OSBPL8: variants seen among roughly 807,000 people sequenced by gnomAD.
The protein encoded by OSBPL8 is oxysterol binding protein like 8, also known as oxysterol-binding protein-related protein 8.
In OSBPL8, 59 loss-of-function variants were observed where a neutral mutation model predicts 125.5. That is an observed-to-expected ratio of 0.47 (90% CI 0.38 to 0.58). The LOEUF is 0.58. Ranked by LOEUF, OSBPL8 falls within the 20% of genes least tolerant of loss-of-function variation. OSBPL8 has a pLI of 0.00. For missense variants in OSBPL8, 758 were observed against 1,047.8 expected (o/e 0.72, Z 3.82); for synonymous variants, 330 against 338.9 (o/e 0.97, Z 0.29).
At chr12:76,474,581 T>C (rs553397864) in intron 2 of OSBPL8, among the ~76,000 whole-genome samples, 37 of 152,242 alleles carry the variant, frequency 2.4e-4, no homozygotes, top group Admixed American at 1.8e-3. Flanking sequence ...GCCAGGGCTC[T>C]AGTGATCCTC....
rs118187544 is a variant in OSBPL8 at position 76,450,021 on chromosome 12, A to T, written c.217+830T>A. Among the ~76,000 whole-genome samples the T allele has an allele frequency of 6.1e-3, 926 of 152,316 alleles. 19 individuals carry two copies. The highest frequency in any genetic ancestry group is 3.9e-3 in the Admixed American group (59 of 15,294). On this transcript the variant is annotated intron_variant, in intron 4 of 23. Transcript: ENST00000261183. Reference sequence around the variant, plus strand: ...TTTATTCATATACTTCAATCGGATCATCACATCACAACAGACTGCAGAAGC... The same window carrying T: ...TTTATTCATATACTTCAATCGGATCTTCACATCACAACAGACTGCAGAAGC...
At chr12:76,514,163 G>C (rs919871816) in intron 1 of OSBPL8, among the ~76,000 whole-genome samples, 3 of 151,828 alleles carry the variant, frequency 2.0e-5, no homozygotes, top group African/African-American at 4.8e-5. Context: ...TCTTTTTTTT[G>C]AGATAGAGTC....
At chr12:76,417,650 A>C (rs1255658818) in intron 4 of OSBPL8, among the ~76,000 whole-genome samples, 1 of 152,164 alleles carries the variant, frequency 6.6e-6, no homozygotes, top group Non-Finnish European at 1.5e-5. Flanking sequence ...ATGTACACCG[A>C]GTTTTAAATT....
chr12:76,458,173 G>C (rs1244774842), intron 3 of OSBPL8, among the ~76,000 whole-genome samples: 1 of 152,148 alleles, frequency 6.6e-6, no homozygotes. Context: ...TCAGGAGGCT[G>C]AGGTGGGAAG....
At chr12:76,500,157 T>C (rs909776747) in intron 1 of OSBPL8, among the ~76,000 whole-genome samples, 2 of 152,266 alleles carry the variant, frequency 1.3e-5, no homozygotes, top group Non-Finnish European at 2.9e-5. Context: ...GTCCAAATCT[T>C]GCCTTGGCAT....
chr12:76,430,687 A>G (rs1364441869), intron 4 of OSBPL8, among the ~76,000 whole-genome samples: 1 of 152,234 alleles, frequency 6.6e-6, no homozygotes, highest in Non-Finnish European at 1.5e-5. Flanking sequence ...ACATTTTTCA[A>G]TGGAAACCTT....
At chr12:76,440,814 C>T (rs1207266628) in intron 4 of OSBPL8, among the ~76,000 whole-genome samples, 5 of 152,158 alleles carry the variant, frequency 3.3e-5, no homozygotes, top group African/African-American at 4.8e-5. Context: ...CTTTCTCTTG[C>T]TAAAACTCAA....
intron 2 of OSBPL8, among the ~76,000 whole-genome samples, chr12:76,486,817 A>G (rs1195710449): frequency 6.6e-6 from 1 of 152,016 alleles, no homozygotes; most frequent in African/African-American, 2.4e-5. Context: ...GTGATTTGAG[A>G]TTTGGAGGCA....
intron 1 of OSBPL8, among the ~76,000 whole-genome samples, chr12:76,489,302 T>C (rs1055264444): frequency 2.0e-5 from 3 of 152,342 alleles, no homozygotes; most frequent in Admixed American, 1.3e-4. Flanking sequence ...ACAACAGGTT[T>C]TCAATATAGA....
chr12:76,459,913 T>C lies in OSBPL8; in HGVS notation c.43-18A>G, dbSNP rs1381957184. ...CCAAGAAGCTTTTAAGGCAGGGTAA[T>C]TGAGCAGCAAACAAATACAGTCCAA... On this transcript the variant is annotated intron_variant, in intron 2 of 23. Transcript: ENST00000261183. The C allele has an allele frequency of 4.3e-6, 7 of 1,613,270 alleles. No individual in the cohort carries two copies. Among genetic ancestry groups the C allele is most frequent in the East Asian group, 2.2e-5 (1 of 44,872 alleles).
At chr12:76,521,557 C>T (rs1882063469) in intron 1 of OSBPL8, among the ~76,000 whole-genome samples, 1 of 152,084 alleles carries the variant, frequency 6.6e-6, no homozygotes, top group Non-Finnish European at 1.5e-5. Flanking sequence ...AACCCATCAA[C>T]AAATGAAGGC....
At chr12:76,451,681 C>G (rs1873431667) in intron 3 of OSBPL8, among the ~76,000 whole-genome samples, 1 of 152,176 alleles carries the variant, frequency 6.6e-6, no homozygotes, top group East Asian at 1.9e-4. Context: ...ATCCTACTAT[C>G]TATCGCTCAG....
chr12:76,390,240 T>C, intron 11 of OSBPL8, 180 bp downstream of exon 11: 1 of 509,762 alleles, frequency 2.0e-6, no homozygotes, highest in Non-Finnish European at 3.4e-6. Context: ...GGTATTTATG[T>C]GAGTATATGT....
At chr12:76,395,160 T>G (rs1304043379) in intron 8 of OSBPL8, among the ~76,000 whole-genome samples, 1 of 152,094 alleles carries the variant, frequency 6.6e-6, no homozygotes, top group Non-Finnish European at 1.5e-5. Flanking sequence ...TAGGGAAAAA[T>G]AAATCTCCAC....
chr12:76,473,266 G>T (rs895287853), intron 2 of OSBPL8, among the ~76,000 whole-genome samples: 1 of 152,062 alleles, frequency 6.6e-6, no homozygotes, highest in African/African-American at 2.4e-5. Flanking sequence ...ATATCATTAT[G>T]TCTATGATCT....
intron 21 of OSBPL8, among the ~76,000 whole-genome samples, chr12:76,366,784 G>A (rs1467160841): frequency 6.6e-6 from 1 of 151,570 alleles, no homozygotes; most frequent in Non-Finnish European, 1.5e-5. Flanking sequence ...TTGACCCATT[G>A]AGTTTGTTTT....
Position 76,390,243 on chromosome 12 carries a change from G to C in OSBPL8, c.1167+177C>G, listed in dbSNP as rs1953501109. ...ATAGAATATATTGGTATTTATGTGA[G>C]TATATGTGTTTAGTTGTTTGTAAAT... On this transcript the variant is annotated intron_variant, in intron 11 of 23. Transcript: ENST00000261183. 3 of 551,906 alleles carry C rather than the reference G, an allele frequency of 5.4e-6. No individual in the cohort carries two copies. In the Admixed American group the frequency reaches 1.0e-4, roughly 18 times the overall value. The allele number at this position is 551,906 out of a possible 1,614,324, so 34.2% of individuals were successfully genotyped here.
chr12:76,489,672 A>G (rs530058901), intron 1 of OSBPL8, among the ~76,000 whole-genome samples: 1 of 152,382 alleles, frequency 6.6e-6, no homozygotes, highest in South Asian at 2.1e-4. Context: ...TTGGTCACCC[A>G]AAAGTTCTGG....
intron 4 of OSBPL8, among the ~76,000 whole-genome samples, chr12:76,426,652 TTATTA>T (rs1387761665): frequency 1.3e-5 from 2 of 152,188 alleles, no homozygotes; most frequent in Non-Finnish European, 2.9e-5. Flanking sequence ...ATTGGTTTTA[TTATTA>T]TATTAACTGT....
Sources: allele counts gnomAD v4.1 joint callset (sites outside exome capture counted in the v4.1 genomes callset), GRCh38; gene constraint gnomAD v4.1.1; transcripts MANE v1.5; gene names NCBI Gene and HGNC (gene_info 2026-07-23, HGNC 2026-07-21).